SEMA3A: variants seen among roughly 807,000 people sequenced by gnomAD.
SEMA3A encodes the protein semaphorin 3A, also known as semaphorin-3A.
A neutral mutation model predicts 97.9 loss-of-function variants in SEMA3A; 29 were observed. That is an observed-to-expected ratio of 0.30 (90% CI 0.22 to 0.40). The LOEUF is 0.40. Ranked by LOEUF, SEMA3A falls within the 10% of genes least tolerant of loss-of-function variation. SEMA3A has a pLI of 1.00. For synonymous variants in SEMA3A, 321 were observed against 323.7 expected (o/e 0.99, Z 0.09); for missense variants, 763 against 951.3 (o/e 0.80, Z 2.60).
chr7:84,275,181 G>C (rs939099349), intron 3 of SEMA3A, among the ~76,000 whole-genome samples: 4 of 152,082 alleles, frequency 2.6e-5, no homozygotes, highest in South Asian at 4.1e-4. Flanking sequence ...GTGAGAGTTA[G>C]TTTAATCAAT....
chr7:84,086,041 A>G (rs1794328883), intron 4 of SEMA3A, among the ~76,000 whole-genome samples: 1 of 151,986 alleles, frequency 6.6e-6, no homozygotes, highest in African/African-American at 2.4e-5. Flanking sequence ...GAATAATGCT[A>G]TTTTTTCTGC....
intron 1 of SEMA3A, among the ~76,000 whole-genome samples, chr7:84,464,014 T>C (rs1805930444): frequency 6.6e-6 from 1 of 152,136 alleles, no homozygotes; most frequent in East Asian, 1.9e-4. Flanking sequence ...TGGCTGATGA[T>C]CTAAAAATGT....
chr7:83,972,913 A>C (rs1788975666), intron 15 of SEMA3A, among the ~76,000 whole-genome samples: 1 of 152,164 alleles, frequency 6.6e-6, no homozygotes, highest in Non-Finnish European at 1.5e-5. Context: ...GACTATCTCC[A>C]GTGAAAATAT....
intron 15 of SEMA3A, among the ~76,000 whole-genome samples, chr7:83,969,377 T>C (rs1343464507): frequency 6.6e-6 from 1 of 152,222 alleles, no homozygotes; most frequent in Non-Finnish European, 1.5e-5. Context: ...TCTTTTTAGT[T>C]ATCTCCTTAG....
chr7:84,024,099 A>G (rs927486333), intron 6 of SEMA3A, among the ~76,000 whole-genome samples: 1 of 152,184 alleles, frequency 6.6e-6, no homozygotes, highest in African/African-American at 2.4e-5. Flanking sequence ...TGACATTATA[A>G]CTATGAAGGA....
chr7:84,441,228 C>T (rs991433923), intron 1 of SEMA3A, among the ~76,000 whole-genome samples: 1 of 150,984 alleles, frequency 6.6e-6, no homozygotes, highest in Admixed American at 6.6e-5. Flanking sequence ...GATCTTATAA[C>T]AGACCTACTA....
intron 3 of SEMA3A, among the ~76,000 whole-genome samples, chr7:84,285,656 G>T (rs905245342): frequency 6.6e-6 from 1 of 152,036 alleles, no homozygotes; most frequent in Non-Finnish European, 1.5e-5. Context: ...TGAATATAAA[G>T]AAATAGTTGG....
intron 4 of SEMA3A, among the ~76,000 whole-genome samples, chr7:84,074,163 C>T (rs935850423): frequency 6.6e-6 from 1 of 152,096 alleles, no homozygotes; most frequent in Non-Finnish European, 1.5e-5. Flanking sequence ...AATTATTGAA[C>T]CTCAGCCCTC....
At chr7:84,062,771 A>G (rs564730992) in intron 4 of SEMA3A, among the ~76,000 whole-genome samples, 117 of 152,174 alleles carry the variant, frequency 7.7e-4, no homozygotes, top group Non-Finnish European at 1.5e-3. Flanking sequence ...AGGGTCCTAC[A>G]CCCACGGAGT....
chr7:83,970,556 A>G (rs147163967), intron 15 of SEMA3A, among the ~76,000 whole-genome samples: 1 of 152,204 alleles, frequency 6.6e-6, no homozygotes, highest in Admixed American at 6.5e-5. Flanking sequence ...GAAGACAGAG[A>G]TGGATGAGGT....
intron 3 of SEMA3A, among the ~76,000 whole-genome samples, chr7:84,276,811 A>C (rs1478546176): frequency 6.6e-6 from 1 of 152,142 alleles, no homozygotes; most frequent in African/African-American, 2.4e-5. Flanking sequence ...ATGGATTTTT[A>C]ATTCCTGCTA....
At chr7:84,183,280 A>G (rs1464857958) in intron 1 of SEMA3A, among the ~76,000 whole-genome samples, 4 of 152,102 alleles carry the variant, frequency 2.6e-5, no homozygotes, top group East Asian at 3.8e-4. Flanking sequence ...TGTCACTAGA[A>G]TGTTCCTCTT....
intron 3 of SEMA3A, among the ~76,000 whole-genome samples, chr7:84,206,642 C>T (rs1467171315): frequency 6.6e-6 from 1 of 151,836 alleles, no homozygotes; most frequent in Non-Finnish European, 1.5e-5. Context: ...GCATTTTAGT[C>T]TAAGTAAAAT....
At chr7:83,991,590 G>C (rs1789940548) in intron 12 of SEMA3A, among the ~76,000 whole-genome samples, 1 of 151,912 alleles carries the variant, frequency 6.6e-6, no homozygotes. Context: ...TGTGGTTTTT[G>C]CCTTTGGCTC....
intron 6 of SEMA3A, among the ~76,000 whole-genome samples, chr7:84,032,890 A>G (rs1245360315): frequency 6.6e-6 from 1 of 151,894 alleles, no homozygotes; most frequent in Admixed American, 6.6e-5. Flanking sequence ...TTACATAGCT[A>G]TAAAGTTTAA....
intron 1 of SEMA3A, among the ~76,000 whole-genome samples, chr7:84,178,980 AT>A (rs952511604): frequency 4.6e-5 from 7 of 151,268 alleles, no homozygotes; most frequent in African/African-American, 1.7e-4. Context: ...CGGTTCTTTG[AT>A]TCCTACTTCA....
intron 4 of SEMA3A, among the ~76,000 whole-genome samples, chr7:84,069,463 C>G (rs1180054798): frequency 6.6e-6 from 1 of 152,050 alleles, no homozygotes; most frequent in African/African-American, 2.4e-5. Context: ...ATCAAAATAT[C>G]TTATGTCACA....
At chr7:84,393,618 T>C (rs997627533) in intron 1 of SEMA3A, among the ~76,000 whole-genome samples, 15 of 152,274 alleles carry the variant, frequency 9.9e-5, no homozygotes, top group African/African-American at 3.6e-4. Flanking sequence ...GTATTAGTTG[T>C]GCTGTTCAAG....
At position 84,346,471 on chromosome 7, in the gene SEMA3A, T is replaced by A. The variant is rs1364820577; in HGVS notation, c.-169+25353A>T. On this transcript the variant is annotated intron_variant, in intron 2 of 3. Coordinates refer to the SEMA3A transcript ENST00000424555. ...ATAGCTTTTTATTTAAAGTGAAAGA[T>A]GTGTGACCCTTCTTCCACTTGAACA... Among the ~76,000 whole-genome samples the A allele has an allele frequency of 1.3e-5, 2 of 152,152 alleles. 1 individual carries two copies. Among genetic ancestry groups the A allele is most frequent in the Non-Finnish European group, 2.9e-5 (2 of 68,040 alleles).
Sources: allele counts gnomAD v4.1 joint callset (sites outside exome capture counted in the v4.1 genomes callset), GRCh38; gene constraint gnomAD v4.1.1; transcripts MANE v1.5; gene names NCBI Gene and HGNC (gene_info 2026-07-23, HGNC 2026-07-21).